The following NRG3 variants were observed in gnomAD, a reference collection of about 807,000 sequenced individuals.
NRG3 encodes the protein neuregulin 3, also known as pro-neuregulin-3, membrane-bound isoform.
Under a neutral mutation model 66.9 loss-of-function variants are expected in NRG3, and 31 were observed. That is an observed-to-expected ratio of 0.46 (90% confidence interval 0.35 to 0.63). NRG3 has a LOEUF of 0.63. NRG3 is among the 20% of genes least tolerant of loss of function. NRG3 has a pLI of 0.00. For synonymous variants in NRG3, 393 were observed against 359.4 expected, an observed-to-expected ratio of 1.09 and a Z score of -1.06; for missense variants, 910 against 878.9, an observed-to-expected ratio of 1.04 and a Z score of -0.45.
intron 1 of NRG3, among the ~76,000 whole-genome samples, chr10:82,262,646 T>C (rs563944290): frequency 3.9e-5 from 6 of 152,198 alleles, no homozygotes; most frequent in Non-Finnish European, 7.4e-5. Flanking sequence ...ATCTGTGAAC[T>C]CCTTACTTGA....
chr10:82,820,900 C>G (rs1444852193), intron 3 of NRG3, among the ~76,000 whole-genome samples: 1 of 152,136 alleles, frequency 6.6e-6, no homozygotes, highest in Non-Finnish European at 1.5e-5. Context: ...AGAGTCTTCC[C>G]TTGCTTTCAT....
chr10:82,843,242 T>G (rs776915539), intron 3 of NRG3: 4 of 454,978 alleles, frequency 8.8e-6, no homozygotes, highest in Non-Finnish European at 1.8e-5. Context: ...AGTGGGACAT[T>G]TAAGAGGAAT....
chr10:81,985,354 G>A (rs1317223844), intron 1 of NRG3, among the ~76,000 whole-genome samples: 1 of 152,210 alleles, frequency 6.6e-6, no homozygotes, highest in East Asian at 1.9e-4. Flanking sequence ...CCTAGGCCAA[G>A]CCATGACGGC....
intron 2 of NRG3, among the ~76,000 whole-genome samples, chr10:82,479,491 G>C (rs1476487609): frequency 3.2e-5 from 3 of 93,072 alleles, no homozygotes; most frequent in African/African-American, 8.7e-5. Context: ...CTGAGGTCAG[G>C]AGTTGGAGGG....
At chr10:82,790,048 C>A (rs1217527914) in intron 3 of NRG3, among the ~76,000 whole-genome samples, 1 of 152,022 alleles carries the variant, frequency 6.6e-6, no homozygotes, top group Admixed American at 6.6e-5. Context: ...ATGCATATGA[C>A]TTTATGCATC....
chr10:82,057,936 C>T (rs2063933047), intron 1 of NRG3, among the ~76,000 whole-genome samples: 1 of 151,340 alleles, frequency 6.6e-6, no homozygotes, highest in South Asian at 2.1e-4. Flanking sequence ...CATTCTAGTG[C>T]TTGCTTACTC....
chr10:82,725,502 T>C (rs982825308), intron 2 of NRG3, among the ~76,000 whole-genome samples: 3 of 152,172 alleles, frequency 2.0e-5, no homozygotes, highest in African/African-American at 7.2e-5. Flanking sequence ...AAACAAGAGA[T>C]AGCTAAATTG....
At chr10:81,954,049 A>G (rs1035221553) in intron 1 of NRG3, among the ~76,000 whole-genome samples, 1 of 152,196 alleles carries the variant, frequency 6.6e-6, no homozygotes, top group African/African-American at 2.4e-5. Context: ...TTTATCTTTT[A>G]TATCTTTAAA....
chr10:82,364,633 A>G (rs929855607), intron 2 of NRG3, among the ~76,000 whole-genome samples: 21 of 152,198 alleles, frequency 1.4e-4, no homozygotes, highest in Non-Finnish European at 2.9e-5. Context: ...AATTCAAGTA[A>G]AAAGGATGTG....
chr10:82,542,045 G>A (rs952766621), intron 2 of NRG3, among the ~76,000 whole-genome samples: 1 of 152,110 alleles, frequency 6.6e-6, no homozygotes, highest in African/African-American at 2.4e-5. Flanking sequence ...CATGCATTAG[G>A]TATTTGTCCT....
chr10:82,877,779 A>G (rs1841970202), intron 4 of NRG3, among the ~76,000 whole-genome samples: 1 of 152,162 alleles, frequency 6.6e-6, no homozygotes, highest in Admixed American at 6.5e-5. Context: ...GGTCAGATGA[A>G]GATGTCCCAA....
chr10:82,828,334 C>G (rs956631314), intron 3 of NRG3, among the ~76,000 whole-genome samples: 1 of 152,142 alleles, frequency 6.6e-6, no homozygotes, highest in Non-Finnish European at 1.5e-5. Flanking sequence ...TACTTCTGCC[C>G]CCTGCCTAGT....
At chr10:82,433,613 A>T (rs2089958061) in intron 2 of NRG3, among the ~76,000 whole-genome samples, 1 of 152,128 alleles carries the variant, frequency 6.6e-6, no homozygotes, top group Non-Finnish European at 1.5e-5. Context: ...TCCATCTTCA[A>T]TTAATTTTTG....
chr10:82,913,243 G>A (rs2131989945), intron 4 of NRG3, among the ~76,000 whole-genome samples: 1 of 152,068 alleles, frequency 6.6e-6, no homozygotes, highest in Admixed American at 6.6e-5. Flanking sequence ...AAGAAAAAAA[G>A]TACTTCCAAT....
intron 1 of NRG3, among the ~76,000 whole-genome samples, chr10:82,079,105 C>T (rs55963619): frequency 0.022 from 3,254 of 150,814 alleles, 49 homozygotes; most frequent in Middle Eastern, 0.09. Flanking sequence ...TCCACTCTTT[C>T]GCGATCTCGG....
chr10:82,211,178 A>C (rs2075374597), intron 1 of NRG3, among the ~76,000 whole-genome samples: 1 of 152,150 alleles, frequency 6.6e-6, no homozygotes, highest in African/African-American at 2.4e-5. Flanking sequence ...ATCTTTTCAA[A>C]GTCTCATTTA....
chr10:82,084,378 T>G (rs2065591800), intron 1 of NRG3, among the ~76,000 whole-genome samples: 1 of 151,940 alleles, frequency 6.6e-6, no homozygotes, highest in Non-Finnish European at 1.5e-5. Flanking sequence ...TCTTTTGACT[T>G]CAGAATGTCA....
intron 4 of NRG3, among the ~76,000 whole-genome samples, chr10:82,889,996 A>G (rs965123158): frequency 6.6e-6 from 1 of 152,166 alleles, no homozygotes; most frequent in African/African-American, 2.4e-5. Flanking sequence ...AAGGACTTCT[A>G]TTCTGAGACT....
intron 2 of NRG3, among the ~76,000 whole-genome samples, chr10:82,455,822 G>A (rs912328607): frequency 3.3e-5 from 5 of 151,906 alleles, no homozygotes; most frequent in Non-Finnish European, 5.9e-5. Context: ...GTTTCACCTC[G>A]TTAGCCAGGA....
Sources: allele counts gnomAD v4.1 joint callset (sites outside exome capture counted in the v4.1 genomes callset), GRCh38; gene constraint gnomAD v4.1.1; transcripts MANE v1.5; gene names NCBI Gene and HGNC (gene_info 2026-07-23, HGNC 2026-07-21).